Variants in TGM7 observed in about 807,000 individuals in gnomAD.
TGM7 encodes the protein protein-glutamine gamma-glutamyltransferase Z.
TGM7 carries 74 observed loss-of-function variants against 79.5 expected under a neutral mutation model. The observed-to-expected ratio is 0.93, with a 90% CI of 0.77 to 1.13. The LOEUF (loss-of-function observed/expected upper bound fraction) is 1.13, where lower values mean the gene tolerates loss of function less well. Among genes scored for constraint, TGM7 ranks in the 50% most tolerant of loss-of-function variants. TGM7 has a pLI of 0.00. For synonymous variants in TGM7, 354 were observed against 362.5 expected (o/e 0.98, Z 0.27); for missense variants, 912 against 905.9 (o/e 1.01, Z -0.09).
At chr15:43,296,724 G>A (rs566543100) in intron 1 of TGM7, among the ~76,000 whole-genome samples, 1 of 152,270 alleles carries the variant, frequency 6.6e-6, no homozygotes, top group South Asian at 2.1e-4. Flanking sequence ...ACTTCTCTTA[G>A]TTTGGGAAAG....
rs2042974791 is a variant in TGM7 at position 43,293,531 on chromosome 15, G to A, written c.111C>T (p.Arg37=). The change falls in exon 2 of 13, where the codon CGC becomes CGT. Residue 37 remains arginine, a synonymous_variant. Coordinates refer to ENST00000452443, the MANE Select transcript of TGM7 (RefSeq NM_052955.3). ...TCAGCCGGAGGTAGAAGGGCTGGCCGCGGCGCACAGTGAGCCGCTTGACGC... is the reference window on the plus strand; with the variant it reads ...TCAGCCGGAGGTAGAAGGGCTGGCCACGGCGCACAGTGAGCCGCTTGACGC... ...EMGVKRLTVR[R]GQPFYLRLSF... is the part of the protein sequence containing the mutation. 6.2e-7 allele frequency: 1 copy of A among 1,611,766 alleles called. No homozygotes were observed. Among genetic ancestry groups the A allele is most frequent in the Non-Finnish European group, 8.5e-7 (1 of 1,179,682 alleles).
intron 4 of TGM7, among the ~76,000 whole-genome samples, chr15:43,287,932 C>T (rs1262169767): frequency 1.3e-5 from 2 of 152,104 alleles, no homozygotes; most frequent in Non-Finnish European, 2.9e-5. Context: ...AGACCCCCCT[C>T]GGCTGAACAG....
At position 43,287,688 on chromosome 15, in the gene TGM7, G is replaced by A. The variant is rs772735329; in HGVS notation, c.559-19C>T. On this transcript the variant is annotated intron_variant, in intron 4 of 12. Coordinates refer to ENST00000452443, the MANE Select transcript of TGM7 (RefSeq NM_052955.3). ...CTTCAAACTTCCAAGTGATTTTAAGGGAGAAAAAAGAGAAGAGCAAATGTC... is the reference window on the plus strand; with the variant it reads ...CTTCAAACTTCCAAGTGATTTTAAGAGAGAAAAAAGAGAAGAGCAAATGTC... 3.8e-6 allele frequency: 6 copies of A among 1,593,682 alleles called. No homozygotes were observed. The South Asian group carries it at 6.9e-5, about 18-fold the overall frequency.
At chr15:43,277,066 A>AC in intron 11 of TGM7, 71 bp from the exon 12 acceptor site, 1 of 1,559,812 alleles carries the variant, frequency 6.4e-7, no homozygotes, top group Non-Finnish European at 8.7e-7. Context: ...AGTTACCCCC[A>AC]CCCCCAGGTC....
intron 8 of TGM7, 129 bp from the exon 9 acceptor site, chr15:43,282,215 T>A: frequency 1.5e-6 from 2 of 1,356,364 alleles, no homozygotes; most frequent in South Asian, 2.8e-5. Flanking sequence ...TACCAAGCAC[T>A]TTTGTTCCCA....
chr15:43,280,027 G>A, intron 9 of TGM7, 76 bp from the exon 10 acceptor site: 2 of 1,408,748 alleles, frequency 1.4e-6, no homozygotes, highest in Non-Finnish European at 2.0e-6. Flanking sequence ...GGGCAACAAG[G>A]CACAGGAATA....
At chr15:43,296,674 A>G (rs568311665) in intron 1 of TGM7, among the ~76,000 whole-genome samples, 1 of 152,226 alleles carries the variant, frequency 6.6e-6, no homozygotes, top group Admixed American at 6.5e-5. Context: ...CTCAAAGCAT[A>G]GTTCCTAGGG....
In TGM7 at chr15:43,279,870, T is replaced by C; in HGVS notation, c.1433A>G (p.Asp478Gly). ...CCTAAGACCCCCAGACTCCAGGAGA[T>C]CCAGGAAGGGCAAAGAAGCTCTTTG... ...GPQRASLPFL[D>G]LLESGGLRDQ... Residue 478 changes from aspartate to glycine, a missense_variant, in exon 10 of 13, where the codon GAT (aspartate) becomes GGT (glycine). Physicochemically the swap from Asp to Gly is moderately conservative, Grantham distance 94 (BLOSUM62 -1). Transcript: ENST00000452443. 6 of 1,614,154 alleles carry C rather than the reference T, an allele frequency of 3.7e-6. No homozygotes were observed. Among genetic ancestry groups the C allele is most frequent in the Non-Finnish European group, 5.1e-6 (6 of 1,180,036 alleles).
chr15:43,279,211 A>T lies in TGM7; in HGVS notation c.1745T>A (p.Ile582Asn). The change falls in exon 11 of 13, where the codon ATC (isoleucine) becomes AAC (asparagine). Residue 582 changes from isoleucine to asparagine, a missense_variant. Coordinates refer to ENST00000452443, the MANE Select transcript of TGM7 (RefSeq NM_052955.3). ...AACCTCCGCGATGCCAGACACGCGG[A>T]TGAGCTTTTCGTCCGTTAGCTTGTT... ...YRNKLTDEKL[I>N]RVSGIAEVEE... 6.2e-7 allele frequency: 1 copy of T among 1,614,176 alleles called. No individual in the cohort carries two copies. Among genetic ancestry groups the T allele is most frequent in the Non-Finnish European group, 8.5e-7 (1 of 1,180,024 alleles).
chr15:43,288,595 T>A (rs2042948820), intron 4 of TGM7, among the ~76,000 whole-genome samples: 1 of 152,060 alleles, frequency 6.6e-6, no homozygotes. Context: ...TTGGATTAAA[T>A]ATGCTGAAGT....
intron 1 of TGM7, chr15:43,301,951 GCCAAGCTCTTTTTGGGGCT>G (rs2043027432): frequency 2.0e-6 from 1 of 491,000 alleles, no homozygotes; most frequent in Admixed American, 3.3e-5. Flanking sequence ...GGTGGCAGGG[GCCAAGCTCTTTTTGGGGCT>G]CCTCAGACTT....
At chr15:43,295,391 G>A (rs1444682826) in intron 1 of TGM7, among the ~76,000 whole-genome samples, 1 of 152,196 alleles carries the variant, frequency 6.6e-6, no homozygotes, top group East Asian at 1.9e-4. Context: ...AGGAGTTCGA[G>A]ACCAACCTGG....
At chr15:43,301,042 C>T (rs541483860) in intron 1 of TGM7, among the ~76,000 whole-genome samples, 38 of 152,096 alleles carry the variant, frequency 2.5e-4, no homozygotes, top group Non-Finnish European at 3.5e-4. Context: ...AGTGCAGTGG[C>T]GCAATCTCAG....
intron 4 of TGM7, among the ~76,000 whole-genome samples, chr15:43,290,781 G>A (rs888151178): frequency 5.3e-5 from 8 of 152,116 alleles, no homozygotes; most frequent in Non-Finnish European, 1.0e-4. Flanking sequence ...GGTCCTTCAT[G>A]TCCCTTGTAA....
intron 1 of TGM7, among the ~76,000 whole-genome samples, chr15:43,296,930 A>G (rs969014893): frequency 2.0e-5 from 3 of 152,228 alleles, no homozygotes; most frequent in Non-Finnish European, 2.9e-5. Flanking sequence ...AAGAAAGCCA[A>G]GAGGATCAGG....
chr15:43,295,333 G>A (rs981731148), intron 1 of TGM7, among the ~76,000 whole-genome samples: 4 of 152,212 alleles, frequency 2.6e-5, no homozygotes, highest in African/African-American at 9.6e-5. Context: ...GCTCACGCCT[G>A]TAATCCCAGC....
intron 7 of TGM7, among the ~76,000 whole-genome samples, chr15:43,283,459 T>A (rs1301947198): frequency 6.9e-6 from 1 of 144,772 alleles, no homozygotes; most frequent in Non-Finnish European, 1.5e-5. Context: ...TTGAAAACAA[T>A]CTCTCGCTCT....
At chr15:43,295,636 C>G (rs1340732090) in intron 1 of TGM7, among the ~76,000 whole-genome samples, 5 of 152,222 alleles carry the variant, frequency 3.3e-5, no homozygotes, top group Non-Finnish European at 7.3e-5. Flanking sequence ...AGCTGTTCAA[C>G]TGCTTTAACT....
chr15:43,279,992 G>T (rs776418865), intron 9 of TGM7, 41 bp from the exon 10 acceptor site: 1 of 1,582,814 alleles, frequency 6.3e-7, no homozygotes, highest in Admixed American at 1.7e-5. Context: ...ATGGGGAGGG[G>T]TGGAGAGGAC....
Sources: allele counts gnomAD v4.1 joint callset (sites outside exome capture counted in the v4.1 genomes callset), GRCh38; gene constraint gnomAD v4.1.1; transcripts MANE v1.5; gene names NCBI Gene and HGNC (gene_info 2026-07-23, HGNC 2026-07-21).